The following BIN3 variants were observed in gnomAD, a reference collection of about 807,000 sequenced individuals.
BIN3 encodes the protein bridging integrator 3.
In BIN3, 41 loss-of-function variants were observed where a neutral mutation model predicts 38.2. The observed-to-expected ratio is 1.07, with a 90% CI of 0.84 to 1.39. The LOEUF (loss-of-function observed/expected upper bound fraction) is 1.39. Among genes scored for constraint, BIN3 ranks in the 40% most tolerant of loss-of-function variants. The pLI is 0.00. For missense variants in BIN3, 361 were observed against 324.3 expected (o/e 1.11, Z -0.87); for synonymous variants, 145 against 122.6 (o/e 1.18, Z -1.21).
chr8:22,634,787 C>T (rs61224284), intron 4 of BIN3, among the ~76,000 whole-genome samples: 7,514 of 151,968 alleles, frequency 0.049, 226 homozygotes, highest in East Asian at 0.12. Flanking sequence ...AGTTTGGTGG[C>T]GGGCACGGGG....
At chr8:22,661,643 C>T (rs1341569245) in intron 1 of BIN3, among the ~76,000 whole-genome samples, 1 of 151,968 alleles carries the variant, frequency 6.6e-6, no homozygotes, top group African/African-American at 2.4e-5. Flanking sequence ...CAGGTGTCAG[C>T]CACCGTGCCC....
chr8:22,665,306 G>A (rs1439500276), intron 1 of BIN3, among the ~76,000 whole-genome samples: 1 of 152,132 alleles, frequency 6.6e-6, no homozygotes, highest in African/African-American at 2.4e-5. Context: ...TTCCTGAGCT[G>A]AGGCAAGTCA....
chr8:22,668,386 GCTT>G (rs1180918863), intron 1 of BIN3, among the ~76,000 whole-genome samples: 3 of 152,160 alleles, frequency 2.0e-5, no homozygotes, highest in South Asian at 2.1e-4. Context: ...AGACTCCCTG[GCTT>G]CTTTTCTCAT....
At chr8:22,652,108 G>A (rs1412284967) in intron 1 of BIN3, among the ~76,000 whole-genome samples, 1 of 151,312 alleles carries the variant, frequency 6.6e-6, no homozygotes, top group Non-Finnish European at 1.5e-5. Context: ...ATCTCTCTGA[G>A]GATCTTAACA....
chr8:22,642,334 C>T (rs1026840260), intron 2 of BIN3, among the ~76,000 whole-genome samples: 15 of 7,254 alleles, frequency 2.1e-3, no homozygotes, highest in South Asian at 5.1e-3. Flanking sequence ...TTTTGGGGGC[C>T]GGGAGGGGGT....
chr8:22,657,461 C>A (rs554958022), intron 1 of BIN3, among the ~76,000 whole-genome samples: 1 of 152,366 alleles, frequency 6.6e-6, no homozygotes, highest in South Asian at 2.1e-4. Context: ...GGAGTGGGCC[C>A]TTGGCCTTGA....
intron 6 of BIN3, 48 bp downstream of exon 6, chr8:22,629,916 C>A (rs769928089): frequency 6.5e-7 from 1 of 1,540,918 alleles, no homozygotes; most frequent in Non-Finnish European, 8.9e-7. Flanking sequence ...GGCTGCTGAC[C>A]TGCCTCTCCC....
chr8:22,644,907 G>C (rs978595798), intron 1 of BIN3, 104 bp from the exon 2 acceptor site: 4 of 1,001,852 alleles, frequency 4.0e-6, no homozygotes, highest in Non-Finnish European at 6.1e-6. Context: ...GGGCGAGGAA[G>C]CGTGGCCATG....
intron 2 of BIN3, among the ~76,000 whole-genome samples, chr8:22,643,226 T>C (rs1229271239): frequency 2.0e-5 from 3 of 152,194 alleles, no homozygotes; most frequent in East Asian, 1.9e-4. Context: ...CCCAGATTCT[T>C]TGGACTTCAG....
chr8:22,642,298 T>G (rs1410291009), intron 2 of BIN3, among the ~76,000 whole-genome samples: 4 of 119,948 alleles, frequency 3.3e-5, no homozygotes, highest in Non-Finnish European at 4.7e-5. Context: ...CCAGAGATGC[T>G]GAGACAACTG....
At chr8:22,622,350 GA>G (rs1801852365) in intron 8 of BIN3, among the ~76,000 whole-genome samples, 1 of 152,212 alleles carries the variant, frequency 6.6e-6, no homozygotes, top group Non-Finnish European at 1.5e-5. Flanking sequence ...ACACTAAGGG[GA>G]CCTTGTGGGA....
chr8:22,668,266 C>A (rs1366185907), intron 1 of BIN3, among the ~76,000 whole-genome samples: 3 of 152,174 alleles, frequency 2.0e-5, no homozygotes, highest in Non-Finnish European at 4.4e-5. Context: ...TGGGGATTGC[C>A]TTTTGGGCAA....
chr8:22,621,929 T>G (rs907939887), intron 8 of BIN3, among the ~76,000 whole-genome samples: 1 of 152,226 alleles, frequency 6.6e-6, no homozygotes. Context: ...CTTTTGTCCA[T>G]GGCAGAAAGA....
At chr8:22,649,954 A>G (rs1395155363) in intron 1 of BIN3, among the ~76,000 whole-genome samples, 1 of 151,958 alleles carries the variant, frequency 6.6e-6, no homozygotes, top group African/African-American at 2.4e-5. Flanking sequence ...TTTTAAATTA[A>G]TAAGTAAAAG....
chr8:22,658,995 TG>T (rs1435723958), intron 1 of BIN3, among the ~76,000 whole-genome samples: 1 of 152,176 alleles, frequency 6.6e-6, no homozygotes, highest in African/African-American at 2.4e-5. Context: ...ACTCTATCCT[TG>T]GGTTGCTGCC....
intron 1 of BIN3, among the ~76,000 whole-genome samples, chr8:22,666,718 T>C (rs1177116997): frequency 6.6e-6 from 1 of 152,214 alleles, no homozygotes; most frequent in East Asian, 1.9e-4. Flanking sequence ...ATTGGACATT[T>C]CTCACTGTGA....
At chr8:22,664,829 A>C (rs1445819848) in intron 1 of BIN3, among the ~76,000 whole-genome samples, 1 of 152,250 alleles carries the variant, frequency 6.6e-6, no homozygotes, top group African/African-American at 2.4e-5. Context: ...GAAAAGTTAG[A>C]AGCACTCTAC....
chr8:22,638,887 C>A (rs1802452644), intron 2 of BIN3, among the ~76,000 whole-genome samples: 1 of 152,182 alleles, frequency 6.6e-6, no homozygotes, highest in Non-Finnish European at 1.5e-5. Flanking sequence ...TTTATCATTA[C>A]TTACCTTAGG....
At chr8:22,656,223 G>GTT (rs71206533) in intron 1 of BIN3, among the ~76,000 whole-genome samples, 1,560 of 137,114 alleles carry the variant, frequency 0.011, 5 homozygotes, top group East Asian at 0.021. Flanking sequence ...GGTCTTAAGG[G>GTT]TTTTTTTTTT....
Sources: allele counts gnomAD v4.1 joint callset (sites outside exome capture counted in the v4.1 genomes callset), GRCh38; gene constraint gnomAD v4.1.1; transcripts MANE v1.5; gene names NCBI Gene and HGNC (gene_info 2026-07-23, HGNC 2026-07-21).